The following MYT1L variants were observed in gnomAD, a reference collection of about 807,000 sequenced individuals.
MYT1L encodes myelin transcription factor 1-like protein.
In MYT1L, 12 loss-of-function variants were observed where a neutral mutation model predicts 126.7. The observed-to-expected ratio is 0.09, with a 90% CI of 0.06 to 0.15. The LOEUF is 0.15. Among genes scored for constraint, MYT1L ranks in the 10% least tolerant of loss-of-function variants. MYT1L has a pLI of 1.00. For synonymous variants in MYT1L, 541 were observed against 604.2 expected, an observed-to-expected ratio of 0.90 and a Z score of 1.53; for missense variants, 979 against 1,585.2, an observed-to-expected ratio of 0.62 and a Z score of 6.49.
At position 1,851,740 on chromosome 2, in the gene MYT1L, G is replaced by T. The variant is rs866634356; in HGVS notation, c.2712-37C>A. Reference sequence around the variant, plus strand: ...AATGCAAATTGTGTTAAAATGGAAAGAAATAAAGTTCCCTGAACAATTAAC... The same window carrying T: ...AATGCAAATTGTGTTAAAATGGAAATAAATAAAGTTCCCTGAACAATTAAC... On this transcript the variant is annotated intron_variant, in intron 18 of 24. Coordinates refer to ENST00000647738, the MANE Select transcript of MYT1L (RefSeq NM_001303052.2). The T allele has an allele frequency of 1.3e-5, 20 of 1,580,818 alleles. No homozygotes were observed. In the African/African-American group the frequency reaches 2.4e-4, roughly 19 times the overall value.
chr2:1,813,859 G>C (rs7425215), intron 21 of MYT1L, among the ~76,000 whole-genome samples: 26,838 of 61,638 alleles, frequency 0.44, 7,024 homozygotes, highest in South Asian at 0.61. Flanking sequence ...AACCCCGTCT[G>C]TACTAGAAAT....
chr2:2,330,398 A>G (rs1428836646), intron 1 of MYT1L, among the ~76,000 whole-genome samples: 1 of 152,110 alleles, frequency 6.6e-6, no homozygotes, highest in Non-Finnish European at 1.5e-5. Flanking sequence ...GTAGAGTTTA[A>G]TCTTTTAGTT....
chr2:1,875,432 G>T (rs2046789077), intron 18 of MYT1L, among the ~76,000 whole-genome samples: 1 of 152,226 alleles, frequency 6.6e-6, no homozygotes. Context: ...CATTTTAAAT[G>T]GTTGCTTTAA....
intron 3 of MYT1L, among the ~76,000 whole-genome samples, chr2:2,066,402 T>C (rs1287781538): frequency 6.6e-6 from 1 of 152,228 alleles, no homozygotes; most frequent in African/African-American, 2.4e-5. Flanking sequence ...GCCCCGCCTC[T>C]TCCCTGCTGT....
At chr2:1,986,105 C>T (rs1343212851) in intron 5 of MYT1L, among the ~76,000 whole-genome samples, 3 of 152,208 alleles carry the variant, frequency 2.0e-5, no homozygotes, top group African/African-American at 4.8e-5. Flanking sequence ...ATGGTAGATG[C>T]CTGTAAATTT....
chr2:2,044,466 C>T lies in MYT1L; in HGVS notation c.-158+9512G>A, dbSNP rs1393833343. On this transcript the variant is annotated intron_variant, in intron 4 of 24. Transcript: ENST00000647738. The stretch of plus-strand genomic sequence containing the variant: ...GCAACAGACACCCAGAAGTTCTGAT[C>T]GTGGTACAATGGGACAAGAAAATGA... Among the ~76,000 whole-genome samples, 5 of 152,282 alleles carry T rather than the reference C, an allele frequency of 3.3e-5. No individual in the cohort carries two copies. The South Asian group carries it at 6.2e-4, about 19-fold the overall frequency.
At chr2:1,884,354 G>T (rs770820639) in intron 18 of MYT1L, among the ~76,000 whole-genome samples, 2 of 152,102 alleles carry the variant, frequency 1.3e-5, no homozygotes, top group Non-Finnish European at 2.9e-5. Context: ...ATATAAAAAA[G>T]GACTCATGCG....
At chr2:1,820,425 A>G (rs1225028138) in intron 21 of MYT1L, among the ~76,000 whole-genome samples, 2 of 152,136 alleles carry the variant, frequency 1.3e-5, no homozygotes, top group South Asian at 2.1e-4. Flanking sequence ...TGGCTATGAC[A>G]GTTTTATATG....
chr2:1,797,901 T>TCCA (rs1558583584), intron 23 of MYT1L, among the ~76,000 whole-genome samples: 61 of 39,050 alleles, frequency 1.6e-3, no homozygotes, highest in South Asian at 1.7e-3. Context: ...GGTCTCCCCC[T>TCCA]TCTCCGGCAC....
At chr2:2,225,558 A>G (rs1316520969) in intron 2 of MYT1L, among the ~76,000 whole-genome samples, 2 of 152,128 alleles carry the variant, frequency 1.3e-5, no homozygotes, top group East Asian at 3.9e-4. Context: ...TACTTTCCTC[A>G]GTTCATGTTC....
At chr2:1,794,177 C>G (rs1435753014) in intron 23 of MYT1L, among the ~76,000 whole-genome samples, 1 of 152,230 alleles carries the variant, frequency 6.6e-6, no homozygotes, top group Non-Finnish European at 1.5e-5. Context: ...CCCTTTGCAT[C>G]TGGTGGCTTT....
chr2:2,099,345 T>C (rs1003541038), intron 3 of MYT1L, among the ~76,000 whole-genome samples: 3 of 128,478 alleles, frequency 2.3e-5, no homozygotes, highest in South Asian at 2.3e-4. Flanking sequence ...ATGTCATTTG[T>C]TTTTTTTTTT....
intron 2 of MYT1L, among the ~76,000 whole-genome samples, chr2:2,267,358 TCCGAAGATC>T (rs1188158543): frequency 6.6e-6 from 1 of 152,062 alleles, no homozygotes; most frequent in Non-Finnish European, 1.5e-5. Context: ...TGGAGTGAAT[TCCGAAGATC>T]CCCAAACAGG....
intron 9 of MYT1L, among the ~76,000 whole-genome samples, chr2:1,931,839 C>A (rs2055041850): frequency 6.6e-6 from 1 of 152,146 alleles, no homozygotes; most frequent in Non-Finnish European, 1.5e-5. Flanking sequence ...CTACTCCGTG[C>A]AGCAGGTGCA....
chr2:1,876,517 G>A (rs1009045657), intron 18 of MYT1L, among the ~76,000 whole-genome samples: 19 of 152,040 alleles, frequency 1.2e-4, no homozygotes, highest in East Asian at 3.9e-4. Context: ...CTGAGCCCGC[G>A]CCTACCCCTC....
chr2:2,228,148 A>G lies in MYT1L; in HGVS notation c.-420-55160T>C, dbSNP rs2094062098. On this transcript the variant is annotated intron_variant, in intron 2 of 24. Transcript: ENST00000647738. This position sits in a 1 kb window ranked among gnomAD's most constrained non-coding sequence, Gnocchi z 5.9. The stretch of plus-strand genomic sequence containing the variant: ...TACAGATAATATAATCATCATCACT[A>G]TCATCAGTATAATCATTACCTACAT... Among the ~76,000 whole-genome samples, 3 of 152,336 alleles carry G rather than the reference A, an allele frequency of 2.0e-5. No homozygotes were observed. The highest frequency in any genetic ancestry group is 1.9e-4 in the East Asian group (1 of 5,190).
Position 1,802,020 on chromosome 2 carries a change from T to C in MYT1L, c.3173-221A>G, listed in dbSNP as rs1033558926. Reference sequence around the variant, plus strand: ...TTCCCCTACAAAAAGGAACAAACAATTGAGACGCACAGAAGACTCCCAGGC... The same window carrying C: ...TTCCCCTACAAAAAGGAACAAACAACTGAGACGCACAGAAGACTCCCAGGC... On this transcript the variant is annotated intron_variant, in intron 22 of 24. Transcript: ENST00000647738. 17 of 466,434 alleles carry C rather than the reference T, an allele frequency of 3.6e-5. 1 individual carries two copies. Among genetic ancestry groups the C allele is most frequent in the Middle Eastern group, 1.2e-3 (2 of 1,712 alleles). 28.9% of individuals were successfully genotyped at this position (466,434 alleles called of 1,614,324 possible).
chr2:1,976,259 C>T (rs1315706973), intron 8 of MYT1L, among the ~76,000 whole-genome samples: 1 of 152,244 alleles, frequency 6.6e-6, no homozygotes, highest in South Asian at 2.1e-4. Context: ...CAGCTGTGTT[C>T]ACAGAGGGTG....
intron 3 of MYT1L, among the ~76,000 whole-genome samples, chr2:2,093,162 T>C (rs1053966381): frequency 2.0e-5 from 3 of 152,154 alleles, no homozygotes; most frequent in African/African-American, 4.8e-5. Context: ...CCCTCAAATG[T>C]ATCATCCCAA....
Sources: gnomAD v4.1 joint callset for allele counts (sites outside exome capture counted in the v4.1 genomes callset) on GRCh38, gnomAD v4.1.1 for gene constraint, Gnocchi (gnomAD v3.1) non-coding constraint, MANE v1.5 for transcripts, NCBI Gene and HGNC (gene_info 2026-07-23, HGNC 2026-07-21) for gene names.